The following RPH3A variants were observed in gnomAD, a reference collection of about 807,000 sequenced individuals.
RPH3A encodes rabphilin 3A, also known as rabphilin-3A.
Under a neutral mutation model 102.2 loss-of-function variants are expected in RPH3A, and 48 were observed. The ratio of observed to expected loss-of-function variants is 0.47; its 90% CI spans 0.37 to 0.60. The LOEUF (loss-of-function observed/expected upper bound fraction) is 0.60, where lower values mean the gene tolerates loss of function less well. RPH3A is among the 20% of genes least tolerant of loss of function. The pLI is 0.00. For synonymous variants in RPH3A, 310 were observed against 324.3 expected (o/e 0.96, Z 0.47); for missense variants, 781 against 910.1 (o/e 0.86, Z 1.83).
intron 1 of RPH3A, among the ~76,000 whole-genome samples, chr12:112,744,853 C>T (rs890910685): frequency 6.6e-6 from 1 of 152,156 alleles, no homozygotes; most frequent in Non-Finnish European, 1.5e-5. Context: ...GTTTTAACCT[C>T]TAAACATCTC....
intron 1 of RPH3A, among the ~76,000 whole-genome samples, chr12:112,631,656 G>A (rs1266931278): frequency 1.3e-5 from 2 of 151,818 alleles, no homozygotes; most frequent in African/African-American, 4.8e-5. Flanking sequence ...TTGAGTAGGT[G>A]GGACCACAGC....
At chr12:112,673,680 A>G (rs1006648711) in intron 1 of RPH3A, among the ~76,000 whole-genome samples, 8 of 152,200 alleles carry the variant, frequency 5.3e-5, no homozygotes, top group African/African-American at 1.9e-4. Flanking sequence ...CCTTTGAGTT[A>G]CAAACAATCC....
At chr12:112,627,406 A>G (rs1055974844) in intron 1 of RPH3A, among the ~76,000 whole-genome samples, 1 of 149,340 alleles carries the variant, frequency 6.7e-6, no homozygotes, top group South Asian at 2.1e-4. Flanking sequence ...ATAATATTTC[A>G]TTATGATGTA....
intron 16 of RPH3A, among the ~76,000 whole-genome samples, chr12:112,886,210 T>A (rs1013203028): frequency 6.6e-6 from 1 of 152,132 alleles, no homozygotes; most frequent in Non-Finnish European, 1.5e-5. Context: ...TGCAGGACAA[T>A]AAGCCCTTTC....
intron 1 of RPH3A, among the ~76,000 whole-genome samples, chr12:112,677,590 C>G (rs940430282): frequency 1.3e-5 from 2 of 151,288 alleles, no homozygotes; most frequent in African/African-American, 2.4e-5. Flanking sequence ...GTGAGCCACC[C>G]CACCCTGCGA....
chr12:112,763,948 C>T (rs1250752225), intron 1 of RPH3A, among the ~76,000 whole-genome samples: 2 of 152,202 alleles, frequency 1.3e-5, no homozygotes, highest in South Asian at 2.1e-4. Flanking sequence ...CGTCCCCTGT[C>T]CTGTTATCAT....
intron 1 of RPH3A, among the ~76,000 whole-genome samples, chr12:112,675,326 A>G (rs2040166876): frequency 6.6e-6 from 1 of 152,188 alleles, no homozygotes; most frequent in Non-Finnish European, 1.5e-5. Context: ...CAAGTGCTAG[A>G]GGCTGACTTG....
intron 2 of RPH3A, among the ~76,000 whole-genome samples, chr12:112,820,140 A>G (rs1043960677): frequency 7.2e-5 from 11 of 152,220 alleles, no homozygotes; most frequent in African/African-American, 2.7e-4. Context: ...ATACACCTTT[A>G]GGGAGCAATG....
chr12:112,866,938 C>T, intron 7 of RPH3A, 98 bp downstream of exon 7: 1 of 834,874 alleles, frequency 1.2e-6, no homozygotes, highest in South Asian at 1.5e-5. Context: ...CCCAGCTCAG[C>T]AGTGAACATT....
At chr12:112,712,662 T>C (rs866170266) in intron 1 of RPH3A, among the ~76,000 whole-genome samples, 1 of 151,884 alleles carries the variant, frequency 6.6e-6, no homozygotes, top group Non-Finnish European at 1.5e-5. Flanking sequence ...TACTTGTGTG[T>C]GTGTGTGTGT....
chr12:112,634,425 G>A (rs1460504331), intron 1 of RPH3A, among the ~76,000 whole-genome samples: 1 of 145,366 alleles, frequency 6.9e-6, no homozygotes, highest in Non-Finnish European at 1.5e-5. Context: ...GCGTGGTGGC[G>A]GGCACCTGTG....
intron 1 of RPH3A, among the ~76,000 whole-genome samples, chr12:112,698,839 C>G (rs1435014598): frequency 6.6e-6 from 1 of 151,864 alleles, no homozygotes; most frequent in Non-Finnish European, 1.5e-5. Flanking sequence ...TCTCCTTCCC[C>G]TTTTCCTTCT....
intron 17 of RPH3A, 121 bp downstream of exon 17, chr12:112,888,044 A>G (rs749445027): frequency 7.2e-5 from 76 of 1,059,142 alleles, no homozygotes; most frequent in Non-Finnish European, 1.0e-4. Flanking sequence ...GCACTGCAGC[A>G]GGTCTGCAGA....
intron 1 of RPH3A, among the ~76,000 whole-genome samples, chr12:112,674,256 C>G (rs1342584038): frequency 6.6e-6 from 1 of 152,080 alleles, no homozygotes; most frequent in Non-Finnish European, 1.5e-5. Context: ...TGGGGTCTTG[C>G]TGTGTTGCTC....
At chr12:112,697,231 C>T (rs1022731514) in intron 1 of RPH3A, among the ~76,000 whole-genome samples, 3 of 152,040 alleles carry the variant, frequency 2.0e-5, no homozygotes, top group African/African-American at 7.2e-5. Flanking sequence ...CCTAAGGAAT[C>T]TATTAGAAAA....
At chr12:112,781,639 C>G (rs780011864) in intron 1 of RPH3A, among the ~76,000 whole-genome samples, 1 of 152,210 alleles carries the variant, frequency 6.6e-6, no homozygotes, top group East Asian at 1.9e-4. Flanking sequence ...GAACCTCTCA[C>G]CCAGGAAATA....
chr12:112,735,809 C>T lies in RPH3A; in HGVS notation c.-139-56334C>T, dbSNP rs150212402. Among the ~76,000 whole-genome samples, 59 of 152,300 alleles carry T rather than the reference C, an allele frequency of 3.9e-4. No individual in the cohort carries two copies. The East Asian group carries it at 9.4e-3, about 24-fold the overall frequency. On this transcript the variant is annotated intron_variant, in intron 1 of 21. Coordinates refer to the RPH3A transcript ENST00000543106. ...CTCATTGTCCACTCTGCTCAAATAC[C>T]TTAAGTGGCTCCTCATTGCTTAGAG...
chr12:112,576,909 C>CTTT (rs3036138), intron 1 of RPH3A, among the ~76,000 whole-genome samples: 8 of 114,602 alleles, frequency 7.0e-5, no homozygotes, highest in African/African-American at 1.1e-4. Context: ...TCTTTTCTTC[C>CTTT]TTTTTTTTTT....
chr12:112,595,804 G>T (rs2039512268), intron 1 of RPH3A, among the ~76,000 whole-genome samples: 1 of 152,186 alleles, frequency 6.6e-6, no homozygotes, highest in African/African-American at 2.4e-5. Context: ...TTTGGGTAGA[G>T]TATTGATTTC....
Sources: gnomAD v4.1 joint callset for allele counts (sites outside exome capture counted in the v4.1 genomes callset) on GRCh38, gnomAD v4.1.1 for gene constraint, MANE v1.5 for transcripts, NCBI Gene and HGNC (gene_info 2026-07-23, HGNC 2026-07-21) for gene names.